The following TP53I13 variants were observed in gnomAD, a reference collection of about 807,000 sequenced individuals.
TP53I13 encodes tumor protein p53 inducible protein 13.
A neutral mutation model predicts 39.1 loss-of-function variants in TP53I13; 27 were observed. That is an observed-to-expected ratio of 0.69 (90% CI 0.51 to 0.95). The LOEUF is 0.95. TP53I13 is among the 40% of genes least tolerant of loss of function. TP53I13 has a pLI of 0.00. For missense variants in TP53I13, 544 were observed against 520.4 expected (o/e 1.05, Z -0.44); for synonymous variants, 230 against 224.6 (o/e 1.02, Z -0.22).
At chr17:29,569,734 G>T in intron 3 of TP53I13, 1 of 242,002 alleles carries the variant, frequency 4.1e-6, no homozygotes. Flanking sequence ...CTGTAGGAGA[G>T]GGTATTAATT....
the TP53I13 span, chr17:29,581,700 G>T: frequency 6.6e-7 from 1 of 1,516,746 alleles, no homozygotes; most frequent in Non-Finnish European, 9.1e-7. The surrounding 1 kb of genome is among the most constrained non-coding windows in gnomAD (Gnocchi z 4.8). Context: ...CCCAGCCCCA[G>T]CCAGGCCTGT....
downstream of TP53I13, chr17:29,577,778 GGCCAGGCCCCCAAGGT>G: frequency 7.5e-7 from 1 of 1,332,864 alleles, no homozygotes; most frequent in Non-Finnish European, 1.1e-6. Flanking sequence ...CAGCCACGGT[GGCCAGGCCCCCAAGGT>G]GGGGGTGGGG....
chr17:29,566,718 C>T (rs1361936545), upstream of TP53I13: 1 of 1,577,382 alleles, frequency 6.3e-7, no homozygotes, highest in Non-Finnish European at 8.6e-7. Flanking sequence ...GGGCGCGCAG[C>T]AGGCACTGGG....
downstream of TP53I13, chr17:29,575,886 C>T (rs764051634): frequency 1.9e-6 from 3 of 1,608,678 alleles, no homozygotes; most frequent in Non-Finnish European, 1.7e-6. This position sits in a 1 kb window ranked among gnomAD's most constrained non-coding sequence, Gnocchi z 5.5. Flanking sequence ...GAGGCAGACA[C>T]CCCTTTCCGG....
the TP53I13 span, among the ~76,000 whole-genome samples, chr17:29,579,748 T>C: frequency 6.6e-6 from 1 of 151,916 alleles, no homozygotes; most frequent in Non-Finnish European, 1.5e-5. Flanking sequence ...GGCTAAACAT[T>C]TTGCATACAT....
downstream of TP53I13, chr17:29,574,338 G>T: frequency 3.5e-6 from 1 of 289,170 alleles, no homozygotes; most frequent in Non-Finnish European, 6.7e-6. Flanking sequence ...CATGGGGGTG[G>T]GGCGCATGTA....
At chr17:29,576,107 A>G, downstream of TP53I13, 2 of 1,613,826 alleles carry the variant, frequency 1.2e-6, no homozygotes, top group Non-Finnish European at 1.7e-6. Context: ...ACGTGCACTG[A>G]ATAGATGGCG....
chr17:29,574,827 G>C, downstream of TP53I13: 1 of 1,609,338 alleles, frequency 6.2e-7, no homozygotes, highest in Non-Finnish European at 8.5e-7. Context: ...GGCTCTGGGG[G>C]CACTGTCTTC....
At chr17:29,567,079 C>T (rs1338856307), upstream of TP53I13, 1 of 948,178 alleles carries the variant, frequency 1.1e-6, no homozygotes, top group African/African-American at 1.7e-5. The surrounding 1 kb of genome is among the most constrained non-coding windows in gnomAD (Gnocchi z 6.6). Flanking sequence ...GGCCCTCCCG[C>T]GCGGGCGCGC....
At chr17:29,575,553 C>T, downstream of TP53I13, 2 of 1,562,530 alleles carry the variant, frequency 1.3e-6, no homozygotes, top group South Asian at 1.1e-5. The surrounding 1 kb of genome is among the most constrained non-coding windows in gnomAD (Gnocchi z 5.5). Context: ...CGCCTTGGTC[C>T]TCACACACTG....
At chr17:29,566,693 C>T (rs957259306), upstream of TP53I13, 1 of 1,588,382 alleles carries the variant, frequency 6.3e-7, no homozygotes, top group African/African-American at 1.3e-5. Context: ...GCCTCCAGCG[C>T]CTCTGAGCGC....
chr17:29,568,677 G>A (rs78968211), upstream of TP53I13: 4 of 937,200 alleles, frequency 4.3e-6, no homozygotes, highest in South Asian at 1.9e-4. This position sits in a 1 kb window ranked among gnomAD's most constrained non-coding sequence, Gnocchi z 4.5. Flanking sequence ...GCGCGGGGGC[G>A]CTGGGGCTGG....
intron 5 of TP53I13, 22 bp downstream of exon 5, chr17:29,572,079 C>T (rs1319475391): frequency 1.9e-6 from 3 of 1,612,266 alleles, no homozygotes; most frequent in Non-Finnish European, 1.7e-6. Context: ...TGGGCCCAGG[C>T]TTGTTGGCCC....
chr17:29,580,666 C>A, the TP53I13 span, among the ~76,000 whole-genome samples: 1 of 152,306 alleles, frequency 6.6e-6, no homozygotes, highest in East Asian at 1.9e-4. Flanking sequence ...GAAGCCCACC[C>A]ATCTTTTCAG....
In TP53I13 at chr17:29,568,893, C is replaced by A; in HGVS notation, c.72+63C>A. ...AGCTCAAAGCGCTTTGCCAAAAGTTCGTCCTGGAAGGAGTGGCGCGCCGAG... is the reference window on the plus strand; with the variant it reads ...AGCTCAAAGCGCTTTGCCAAAAGTTAGTCCTGGAAGGAGTGGCGCGCCGAG... On this transcript the variant is annotated intron_variant, in intron 1 of 6. Transcript: ENST00000301057. This position sits in a 1 kb window ranked among gnomAD's most constrained non-coding sequence, Gnocchi z 4.5. The A allele has an allele frequency of 6.3e-7, 1 of 1,598,640 alleles. No individual in the cohort carries two copies. Among genetic ancestry groups the A allele is most frequent in the Non-Finnish European group, 8.5e-7 (1 of 1,177,462 alleles).
Position 29,571,839 on chromosome 17 carries a change from AGT to A in TP53I13, c.313-17_313-16del. On this transcript the variant is annotated splice_polypyrimidine_tract_variant and intron_variant, in intron 4 of 6. Coordinates refer to ENST00000301057, the MANE Select transcript of TP53I13 (RefSeq NM_138349.4). ...TCCCCACCTTCCTCGTAGCTCTAAC[AGT>A]TACCTCCTCTCGTAGCCCCTGGTGC... The A allele has an allele frequency of 6.2e-7, 1 of 1,613,308 alleles. No homozygotes were observed. The highest frequency in any genetic ancestry group is 8.5e-7 in the Non-Finnish European group (1 of 1,179,920).
chr17:29,581,555 C>A, the TP53I13 span: 3 of 703,812 alleles, frequency 4.3e-6, no homozygotes, highest in South Asian at 4.9e-5. The surrounding 1 kb of genome is among the most constrained non-coding windows in gnomAD (Gnocchi z 4.8). Flanking sequence ...GATGCCCACC[C>A]CCACTCCCTA....
downstream of TP53I13, chr17:29,573,652 G>A (rs1373555560): frequency 6.6e-6 from 1 of 152,590 alleles, no homozygotes; most frequent in Non-Finnish European, 1.5e-5. Flanking sequence ...CAGGCCTCCA[G>A]AGGGTGGGAC....
downstream of TP53I13, chr17:29,577,775 G>T: frequency 1.5e-6 from 2 of 1,352,576 alleles, no homozygotes; most frequent in Non-Finnish European, 2.1e-6. Flanking sequence ...GATCAGCCAC[G>T]GTGGCCAGGC....
Sources: allele counts gnomAD v4.1 joint callset (sites outside exome capture counted in the v4.1 genomes callset), GRCh38; gene constraint gnomAD v4.1.1; non-coding constraint Gnocchi (gnomAD v3.1); transcripts MANE v1.5; gene names NCBI Gene and HGNC (gene_info 2026-07-23, HGNC 2026-07-21).